Variants in EXOC4 observed in about 807,000 individuals in gnomAD.
The protein encoded by EXOC4 is SEC8-like 1.
A neutral mutation model predicts 107.2 loss-of-function variants in EXOC4; 71 were observed. The ratio of observed to expected loss-of-function variants is 0.66; its 90% CI spans 0.55 to 0.81. The LOEUF (loss-of-function observed/expected upper bound fraction) is 0.81, where lower values mean the gene tolerates loss of function less well. Ranked by LOEUF, EXOC4 falls within the 30% of genes least tolerant of loss-of-function variation. The pLI, the probability that EXOC4 is intolerant of heterozygous loss-of-function variation, is 0.00. For synonymous variants in EXOC4, 456 were observed against 441.2 expected, an observed-to-expected ratio of 1.03 and a Z score of -0.42; for missense variants, 1,108 against 1,189.6, an observed-to-expected ratio of 0.93 and a Z score of 1.01.
chr7:133,369,682 T>C (rs1796321471), intron 6 of EXOC4, among the ~76,000 whole-genome samples: 1 of 152,146 alleles, frequency 6.6e-6, no homozygotes, highest in Non-Finnish European at 1.5e-5. Flanking sequence ...TTTTAAAATT[T>C]CCAGTATCAT....
At chr7:133,273,659 A>G (rs767882409) in intron 1 of EXOC4, among the ~76,000 whole-genome samples, 8 of 152,220 alleles carry the variant, frequency 5.3e-5, no homozygotes, top group Non-Finnish European at 1.2e-4. Context: ...TATAAATTGG[A>G]AAAGAAGTTT....
At chr7:134,069,213 T>TCTTCTTCTC (rs138589401), downstream of EXOC4, among the ~76,000 whole-genome samples, 106,989 of 147,286 alleles carry the variant, frequency 0.73, 38,986 homozygotes, top group East Asian at 0.86. Context: ...CAGTTCTTCT[T>TCTTCTTCTC]CTTCTTCTCC....
At chr7:133,558,381 AAG>A (rs892660842) in intron 9 of EXOC4, among the ~76,000 whole-genome samples, 3 of 152,098 alleles carry the variant, frequency 2.0e-5, no homozygotes, top group Admixed American at 6.5e-5. Flanking sequence ...TTGGAATTTA[AAG>A]AGTTACATAT....
At chr7:133,782,332 G>A (rs1391205075) in intron 10 of EXOC4, among the ~76,000 whole-genome samples, 1 of 152,192 alleles carries the variant, frequency 6.6e-6, no homozygotes, top group Admixed American at 6.5e-5. Context: ...AAATAAGCAA[G>A]TATCCCTCCT....
At chr7:133,947,656 CTCCGT>C (rs1343556162) in intron 14 of EXOC4, among the ~76,000 whole-genome samples, 6 of 152,196 alleles carry the variant, frequency 3.9e-5, no homozygotes, top group African/African-American at 1.4e-4. Context: ...CCCCACCCCC[CTCCGT>C]AAGGAGGTGA....
chr7:133,445,554 C>A (rs1390762572), intron 7 of EXOC4, among the ~76,000 whole-genome samples: 2 of 152,078 alleles, frequency 1.3e-5, no homozygotes, highest in African/African-American at 4.8e-5. Flanking sequence ...TGGGAAGTTA[C>A]AAAATAAAAT....
intron 7 of EXOC4, among the ~76,000 whole-genome samples, chr7:133,454,481 G>C (rs750869655): frequency 3.9e-5 from 6 of 152,070 alleles, no homozygotes; most frequent in Non-Finnish European, 7.4e-5. Flanking sequence ...ATTTTTAATA[G>C]AGATGGGGTT....
At position 133,322,508 on chromosome 7, in the gene EXOC4, G is replaced by C. The variant is rs144336193; in HGVS notation, c.763+5118G>C. ...CCCATTGCTTGTTTTTGTCAGATTT[G>C]TGAAAGGTCAGATGGTTGTAGATGT... is the stretch of plus-strand genomic sequence containing the variant. On this transcript the variant is annotated intron_variant, in intron 5 of 17. Transcript: ENST00000253861. 3.2e-4 allele frequency among the ~76,000 whole-genome samples: 49 copies of C among 152,246 alleles called. 3 individuals are homozygous for C. The highest frequency in any genetic ancestry group is 1.2e-3 in the African/African-American group (48 of 41,532).
chr7:133,688,190 A>G (rs1362542400), intron 10 of EXOC4, among the ~76,000 whole-genome samples: 1 of 152,156 alleles, frequency 6.6e-6, no homozygotes. Context: ...AGAAGGCAGT[A>G]AGTTTTATAG....
At chr7:133,795,033 A>C (rs904395565) in intron 10 of EXOC4, among the ~76,000 whole-genome samples, 1 of 149,902 alleles carries the variant, frequency 6.7e-6, no homozygotes. Context: ...CCCATTATGC[A>C]TGTGTTCTTA....
chr7:133,979,206 A>G (rs926743237), intron 14 of EXOC4, among the ~76,000 whole-genome samples: 2 of 152,120 alleles, frequency 1.3e-5, no homozygotes, highest in African/African-American at 2.4e-5. Context: ...ATATAACACA[A>G]TTTCTATCAT....
chr7:133,380,056 A>G (rs900463009), intron 7 of EXOC4, among the ~76,000 whole-genome samples: 1 of 150,876 alleles, frequency 6.6e-6, no homozygotes, highest in African/African-American at 2.4e-5. Context: ...ACTTGTTCAC[A>G]GGAAGGGGAA....
intron 11 of EXOC4, among the ~76,000 whole-genome samples, chr7:133,866,806 C>T (rs974397268): frequency 6.6e-6 from 1 of 152,144 alleles, no homozygotes; most frequent in African/African-American, 2.4e-5. Flanking sequence ...ATCTATGCAT[C>T]CATTGTGAAG....
At chr7:133,577,909 A>G (rs1446249769) in intron 9 of EXOC4, among the ~76,000 whole-genome samples, 1 of 152,218 alleles carries the variant, frequency 6.6e-6, no homozygotes, top group Non-Finnish European at 1.5e-5. Flanking sequence ...GCTTATTTGG[A>G]AGGACATTAT....
At chr7:133,681,780 A>T (rs188394846) in intron 10 of EXOC4, among the ~76,000 whole-genome samples, 1 of 152,156 alleles carries the variant, frequency 6.6e-6, no homozygotes, top group East Asian at 1.9e-4. Flanking sequence ...CAGTTATCTC[A>T]CTATGAGATA....
intron 15 of EXOC4, among the ~76,000 whole-genome samples, chr7:134,003,128 A>G (rs569521642): frequency 2.0e-5 from 3 of 152,344 alleles, no homozygotes; most frequent in Non-Finnish European, 4.4e-5. Context: ...AAGGCTACCC[A>G]GCAATAAAAA....
intron 13 of EXOC4, among the ~76,000 whole-genome samples, chr7:133,927,335 T>C (rs1457928534): frequency 2.0e-5 from 3 of 152,194 alleles, no homozygotes; most frequent in African/African-American, 7.2e-5. Flanking sequence ...TAAACAATTC[T>C]AAGAGATGCA....
At chr7:133,387,612 G>A (rs1448356585) in intron 7 of EXOC4, among the ~76,000 whole-genome samples, 1 of 152,066 alleles carries the variant, frequency 6.6e-6, no homozygotes, top group Non-Finnish European at 1.5e-5. Context: ...GTTGCTTCCC[G>A]CCCCCATTTG....
intron 17 of EXOC4, among the ~76,000 whole-genome samples, chr7:134,055,047 A>G (rs543741813): frequency 2.6e-5 from 4 of 152,188 alleles, no homozygotes; most frequent in Admixed American, 2.0e-4. Flanking sequence ...TACACCCTCA[A>G]GTGTTTGCCA....
Sources: gnomAD v4.1 joint callset for allele counts (sites outside exome capture counted in the v4.1 genomes callset) on GRCh38, gnomAD v4.1.1 for gene constraint, MANE v1.5 for transcripts, NCBI Gene and HGNC (gene_info 2026-07-23, HGNC 2026-07-21) for gene names.